Variants in ADAMTS6 observed in about 807,000 individuals in gnomAD.
ADAMTS6 encodes ADAM metallopeptidase with thrombospondin type 1 motif 6, also known as A disintegrin and metalloproteinase with thrombospondin motifs 6.
Under a neutral mutation model 144.3 loss-of-function variants are expected in ADAMTS6, and 23 were observed. That is an observed-to-expected ratio of 0.16 (90% CI 0.11 to 0.23). The LOEUF is 0.23. Ranked by LOEUF, ADAMTS6 falls within the 10% of genes least tolerant of loss-of-function variation. The probability of loss-of-function intolerance (pLI) is 1.00; values close to 1 mark genes in which losing one functional copy is unlikely to be tolerated. For synonymous variants in ADAMTS6, 444 were observed against 457.5 expected (o/e 0.97, Z 0.38); for missense variants, 999 against 1,379.6 (o/e 0.72, Z 4.37).
At chr5:65,239,895 G>T (rs1483668431) in intron 15 of ADAMTS6, among the ~76,000 whole-genome samples, 1 of 152,184 alleles carries the variant, frequency 6.6e-6, no homozygotes, top group Non-Finnish European at 1.5e-5. Flanking sequence ...GACATTGTCG[G>T]TGAGAGTGAA....
At position 65,330,157 on chromosome 5, in the gene ADAMTS6, C is replaced by T. The variant is rs542003418; in HGVS notation, c.1118-674G>A. Reference sequence around the variant, plus strand: ...CTTACTTCAATGCATTAGAGTTTTACTAATAAAGCAAATACTATGGTGTTA... The same window carrying T: ...CTTACTTCAATGCATTAGAGTTTTATTAATAAAGCAAATACTATGGTGTTA... On this transcript the variant is annotated intron_variant, in intron 8 of 24. Transcript: ENST00000381055. Among the ~76,000 whole-genome samples the T allele has an allele frequency of 2.6e-5, 4 of 151,406 alleles. No homozygotes were observed. In the East Asian group the frequency reaches 7.9e-4, roughly 30 times the overall value.
At chr5:65,267,567 C>A (rs567384058) in intron 12 of ADAMTS6, among the ~76,000 whole-genome samples, 2 of 152,136 alleles carry the variant, frequency 1.3e-5, no homozygotes. Context: ...TAAACAACAT[C>A]TCTTGCTATT....
intron 7 of ADAMTS6, among the ~76,000 whole-genome samples, chr5:65,436,351 G>A (rs1026589705): frequency 9.9e-5 from 15 of 152,050 alleles, no homozygotes; most frequent in African/African-American, 2.9e-4. Flanking sequence ...GAAGGCCACC[G>A]ATTTATTTCT....
intron 7 of ADAMTS6, among the ~76,000 whole-genome samples, chr5:65,398,458 C>T (rs931353913): frequency 1.3e-5 from 2 of 152,180 alleles, no homozygotes; most frequent in Non-Finnish European, 2.9e-5. Flanking sequence ...GGTGCGGTGG[C>T]TCACGCCTGT....
chr5:65,349,809 C>T (rs1249696585), intron 7 of ADAMTS6, among the ~76,000 whole-genome samples: 3 of 150,668 alleles, frequency 2.0e-5, no homozygotes, highest in African/African-American at 4.9e-5. Context: ...GAGCCGAGAT[C>T]GTGCCACTAC....
At chr5:65,335,297 A>G (rs1747197177) in intron 7 of ADAMTS6, among the ~76,000 whole-genome samples, 1 of 152,042 alleles carries the variant, frequency 6.6e-6, no homozygotes, top group African/African-American at 2.4e-5. Flanking sequence ...TCACATATTC[A>G]TCCTCTCTAT....
At chr5:65,319,897 G>A (rs996541832) in intron 9 of ADAMTS6, among the ~76,000 whole-genome samples, 2 of 152,204 alleles carry the variant, frequency 1.3e-5, no homozygotes, top group Non-Finnish European at 2.9e-5. Context: ...AGGCTGGAGT[G>A]CAATGTTGTG....
intron 7 of ADAMTS6, among the ~76,000 whole-genome samples, chr5:65,389,021 C>A (rs2150145216): frequency 6.6e-6 from 1 of 152,140 alleles, no homozygotes; most frequent in South Asian, 2.1e-4. Context: ...TCCTGGCTAA[C>A]ACGGTGAAAC....
At chr5:65,457,039 T>C (rs144099041) in intron 4 of ADAMTS6, among the ~76,000 whole-genome samples, 1 of 152,368 alleles carries the variant, frequency 6.6e-6, no homozygotes, top group Non-Finnish European at 1.5e-5. Flanking sequence ...TGACCTATGC[T>C]GTTGAAACAG....
chr5:65,344,728 C>A (rs144613888), intron 7 of ADAMTS6, among the ~76,000 whole-genome samples: 208 of 151,858 alleles, frequency 1.4e-3, no homozygotes, highest in African/African-American at 4.9e-3. Flanking sequence ...AATTCTGTTG[C>A]CTTATGTCCA....
At chr5:65,287,286 G>C (rs945471442) in intron 11 of ADAMTS6, among the ~76,000 whole-genome samples, 2 of 152,050 alleles carry the variant, frequency 1.3e-5, no homozygotes, top group Non-Finnish European at 2.9e-5. Flanking sequence ...AAAAAAGACG[G>C]GGACAGGACT....
At chr5:65,171,707 TA>T (rs963954247) in intron 23 of ADAMTS6, among the ~76,000 whole-genome samples, 56 of 146,422 alleles carry the variant, frequency 3.8e-4, no homozygotes, top group Admixed American at 4.1e-4. Context: ...TGGGGTCATT[TA>T]AAAAAAAAAA....
intron 7 of ADAMTS6, among the ~76,000 whole-genome samples, chr5:65,449,120 A>G (rs1561551445): frequency 6.6e-6 from 1 of 152,198 alleles, no homozygotes; most frequent in Non-Finnish European, 1.5e-5. Flanking sequence ...ATAATTATAG[A>G]CTTTTAAATA....
chr5:65,176,107 G>A (rs1437147007), intron 22 of ADAMTS6, among the ~76,000 whole-genome samples: 2 of 143,184 alleles, frequency 1.4e-5, no homozygotes, highest in Non-Finnish European at 3.1e-5. Context: ...TATCATCTTC[G>A]GAAAAAAAAG....
chr5:65,329,598 T>C, intron 8 of ADAMTS6, 115 bp from the exon 9 acceptor site: 4 of 819,604 alleles, frequency 4.9e-6, no homozygotes, highest in African/African-American at 1.8e-5. Flanking sequence ...GAAGGAGCCG[T>C]TGGCAAAAGG....
chr5:65,301,386 G>A (rs747132700), intron 9 of ADAMTS6, among the ~76,000 whole-genome samples: 5 of 152,176 alleles, frequency 3.3e-5, no homozygotes, highest in Admixed American at 1.3e-4. Flanking sequence ...TGTCACTAGA[G>A]TGTAAAATAG....
chr5:65,174,418 C>A (rs908378655), intron 22 of ADAMTS6, among the ~76,000 whole-genome samples: 2 of 152,316 alleles, frequency 1.3e-5, no homozygotes, highest in Middle Eastern at 3.4e-3. Context: ...TTGGCCGATG[C>A]GGATCCTGAG....
chr5:65,149,869 T>TA lies in ADAMTS6; in HGVS notation c.*1966dup, dbSNP rs1184460868. 1 of 152,686 alleles carries TA rather than the reference T, an allele frequency of 6.5e-6. No homozygotes were observed. The highest frequency in any genetic ancestry group is 2.4e-5 in the African/African-American group (1 of 41,454). 9.5% of individuals were successfully genotyped at this position (152,686 alleles called of 1,614,324 possible). ...TAAGACGGCACTTGGGCTGGTCTTCTAAGGGCATCTTAGATCCGGGCCCTG... is the reference window on the plus strand; with the variant it reads ...TAAGACGGCACTTGGGCTGGTCTTCTAAAGGGCATCTTAGATCCGGGCCCTG... On this transcript the variant is annotated 3_prime_UTR_variant, in exon 25 of 25. Coordinates refer to ENST00000381055, the MANE Select transcript of ADAMTS6 (RefSeq NM_197941.4).
At position 65,197,037 on chromosome 5, in the gene ADAMTS6, T is replaced by C. The variant is rs919633600; in HGVS notation, c.2690A>G (p.Glu897Gly). 5 of 1,613,396 alleles carry C rather than the reference T, an allele frequency of 3.1e-6. No individual in the cohort carries two copies. Among genetic ancestry groups the C allele is most frequent in the Middle Eastern group, 1.7e-4 (1 of 6,054 alleles). Reference sequence around the variant, plus strand: ...CCTTACTTACTCAGGTGGGCAGGGCTCAGTGTTGCAGGCTCTTTGATTTTC... The same window carrying C: ...CCTTACTTACTCAGGTGGGCAGGGCCCAGTGTTGCAGGCTCTTTGATTTTC... The part of the protein sequence containing the change: ...PPENQRACNT[E>G]PCPPEWFIGD... Residue 897 changes from glutamate to glycine, a missense_variant, in exon 21 of 25, where the codon GAG becomes GGG. By Grantham distance (98) the Glu-to-Gly change is moderately conservative (BLOSUM62 -2). Around this residue, in one of 3 missense-constraint regions of ADAMTS6, gnomAD observed 619 missense variants for 837.0 expected, o/e 0.74. Transcript: ENST00000381055.
Sources: allele counts gnomAD v4.1 joint callset (sites outside exome capture counted in the v4.1 genomes callset), GRCh38; gene constraint gnomAD v4.1.1; regional missense constraint gnomAD v4.1.1; transcripts MANE v1.5; gene names NCBI Gene and HGNC (gene_info 2026-07-23, HGNC 2026-07-21).